The following HNF4A variants were observed in gnomAD, a reference collection of about 807,000 sequenced individuals.
HNF4A encodes hepatocyte nuclear factor 4-alpha.
A neutral mutation model predicts 52.4 loss-of-function variants in HNF4A; 15 were observed. The ratio of observed to expected loss-of-function variants is 0.29; its 90% CI spans 0.19 to 0.44. The LOEUF is 0.44. HNF4A is among the 20% of genes least tolerant of loss of function. The pLI, the probability that HNF4A is intolerant of heterozygous loss-of-function variation, is 1.00. For missense variants in HNF4A, 479 were observed against 647.2 expected (o/e 0.74, Z 2.82); for synonymous variants, 280 against 264.4 (o/e 1.06, Z -0.57).
chr20:44,422,178 C>A (rs2063755713), intron 7 of HNF4A, among the ~76,000 whole-genome samples: 1 of 152,154 alleles, frequency 6.6e-6, no homozygotes, highest in South Asian at 2.1e-4. Flanking sequence ...TACCTACCAC[C>A]TGCTATCCCA....
intron 1 of HNF4A, among the ~76,000 whole-genome samples, chr20:44,370,145 GC>G (rs1282651191): frequency 2.0e-5 from 3 of 151,930 alleles, no homozygotes; most frequent in Non-Finnish European, 4.4e-5. Flanking sequence ...TCCCGCCTCA[GC>G]CCCCCCAAGT....
At position 44,418,467 on chromosome 20, in the gene HNF4A, G is replaced by A. The variant is rs1469544671; in HGVS notation, c.691G>A (p.Gly231Arg). ...CCATGCTGGCGAGCACCTGCTGCTC[G>A]GAGCCACCAAGAGATCCATGGTGTT... Residue 231 changes from glycine (G) to arginine (R), a missense_variant, in exon 6 of 10, where the codon GGA becomes AGA. Gly to Arg is a moderately radical substitution (Grantham distance 125, BLOSUM62 -2). Transcript: ENST00000316099. The A allele has an allele frequency of 3.7e-6, 6 of 1,613,634 alleles. No individual in the cohort carries two copies. The highest frequency in any genetic ancestry group is 1.6e-4 in the Middle Eastern group (1 of 6,084).
At chr20:44,418,260 C>T (rs2146436985) in intron 5 of HNF4A, among the ~76,000 whole-genome samples, 165 bp from the exon 6 acceptor site, 1 of 152,300 alleles carries the variant, frequency 6.6e-6, no homozygotes, top group African/African-American at 2.4e-5. Flanking sequence ...TTTCCCCTTC[C>T]AGGTTTCTAG....
chr20:44,370,455 T>C (rs187493167), intron 1 of HNF4A, among the ~76,000 whole-genome samples: 34 of 152,340 alleles, frequency 2.2e-4, no homozygotes, highest in African/African-American at 7.7e-4. Flanking sequence ...CTTCTCATTG[T>C]CAGGGCCTTA....
rs761201175 is a variant in HNF4A, at chr20:44,418,409, T to G, written c.649-16T>G. The G allele has an allele frequency of 4.3e-6, 7 of 1,609,874 alleles. No homozygotes were observed. Among genetic ancestry groups the G allele is most frequent in the Non-Finnish European group, 5.1e-6 (6 of 1,176,230 alleles). ...CAAGGGTACAGATGGCAAACACTGT[T>G]CCTTCTCTCTTTCAGGTGGCCCTGC... is the stretch of plus-strand genomic sequence containing the variant. On this transcript the variant is annotated splice_polypyrimidine_tract_variant and intron_variant, in intron 5 of 9. Transcript: ENST00000316099.
Position 44,405,065 on chromosome 20 carries a change from C to CGTGTGTGTGGACTGTGTGGTGT in HNF4A, c.116-972_116-971insTGTGTGTGTGGACTGTGTGGTG, listed in dbSNP as rs2063479603. Among the ~76,000 whole-genome samples the CGTGTGTGTGGACTGTGTGGTGT allele has an allele frequency of 3.1e-4, 4 of 12,824 alleles. No individual in the cohort carries two copies. The South Asian group carries it at 7.0e-3, about 23-fold the overall frequency. The allele number at this position is 12,824 out of a possible 152,430, so 8.4% of individuals were successfully genotyped here. Reference sequence around the variant, plus strand: ...GTGCTTGTGTGTGGACTGTGTGGTGCGTGTGTGTGGACTGTGTGGTGCGTG... The same window carrying CGTGTGTGTGGACTGTGTGGTGT: ...GTGCTTGTGTGTGGACTGTGTGGTGCGTGTGTGTGGACTGTGTGGTGTGTGTGTGTGGACTGTGTGGTGCGTG... On this transcript the variant is annotated intron_variant, in intron 1 of 9. Transcript: ENST00000316099.
chr20:44,390,022 G>C (rs988792000), intron 1 of HNF4A: 1 of 152,648 alleles, frequency 6.6e-6, no homozygotes, highest in African/African-American at 2.4e-5. Context: ...GCCAGCACAA[G>C]AGGGATGCCA....
chr20:44,402,727 C>A, intron 1 of HNF4A: 1 of 816,834 alleles, frequency 1.2e-6, no homozygotes, highest in Non-Finnish European at 1.8e-6. Context: ...GGAGAGGGGG[C>A]AGGCAGCTGG....
Position 44,420,716 on chromosome 20 carries a change from G to C in HNF4A, c.892+840G>C, listed in dbSNP as rs553834582. On this transcript the variant is annotated intron_variant, in intron 7 of 9. Transcript: ENST00000316099. ...ACCTGCAGTCCCAGCTACTCAGGAG[G>C]CCAAGGTGGGAGGATCTCTTGAGCC... Among the ~76,000 whole-genome samples, 137 of 152,310 alleles carry C rather than the reference G, an allele frequency of 9.0e-4. 1 individual carries two copies. Among genetic ancestry groups the C allele is most frequent in the African/African-American group, 3.2e-3 (133 of 41,566 alleles).
In HNF4A at chr20:44,432,107, A is replaced by T. The variant is rs2146501246; in HGVS notation, c.*2442A>T. The T allele has an allele frequency of 6.6e-6, 1 of 152,044 alleles. No homozygotes were observed. The highest frequency in any genetic ancestry group is 1.9e-4 in the East Asian group (1 of 5,146). 9.4% of individuals were successfully genotyped at this position (152,044 alleles called of 1,614,324 possible). On this transcript the variant is annotated 3_prime_UTR_variant, in exon 10 of 10. Transcript: ENST00000316099. ...ACCTCCTCCCTCCAGCGTTGCTCAGACCTCTGTCTTGGGAGAAAGGTTGAG... is the reference window on the plus strand; with the variant it reads ...ACCTCCTCCCTCCAGCGTTGCTCAGTCCTCTGTCTTGGGAGAAAGGTTGAG...
intron 5 of HNF4A, among the ~76,000 whole-genome samples, chr20:44,417,294 G>A (rs1047685401): frequency 6.6e-6 from 1 of 152,206 alleles, no homozygotes; most frequent in Non-Finnish European, 1.5e-5. Flanking sequence ...CCTCAGGCAA[G>A]CACTAAAGCA....
At chr20:44,369,993 A>G (rs925545057) in intron 1 of HNF4A, among the ~76,000 whole-genome samples, 2 of 151,620 alleles carry the variant, frequency 1.3e-5, no homozygotes, top group African/African-American at 4.9e-5. Flanking sequence ...CCCTTTGGTC[A>G]CTGCAGTCAG....
In HNF4A at chr20:44,414,487, C is replaced by T. The variant is rs184217112; in HGVS notation, c.493-20C>T. 7.9e-4 allele frequency: 1,281 copies of T among 1,614,142 alleles called. 20 individuals carry two copies. The South Asian group carries it at 0.012, about 15-fold the overall frequency. ...AGGGCCCGGACATCTCCAGCATTTT[C>T]TTCCCTGTATCTCTCGAAGATCACC... On this transcript the variant is annotated intron_variant, in intron 4 of 9. Coordinates refer to ENST00000316099, the MANE Select transcript of HNF4A (RefSeq NM_000457.6).
chr20:44,397,021 G>A (rs945278522), upstream of HNF4A, among the ~76,000 whole-genome samples: 3 of 152,138 alleles, frequency 2.0e-5, no homozygotes, highest in African/African-American at 7.2e-5. Flanking sequence ...CCAAGGCTTC[G>A]AAATAAAAAC....
At chr20:44,411,549 G>A (rs955422624) in intron 3 of HNF4A, among the ~76,000 whole-genome samples, 4 of 152,214 alleles carry the variant, frequency 2.6e-5, no homozygotes, top group South Asian at 2.1e-4. Flanking sequence ...TGGGGTGGAC[G>A]GCCCGGTCAG....
intron 9 of HNF4A, among the ~76,000 whole-genome samples, chr20:44,428,926 C>T (rs1358437846): frequency 6.6e-6 from 1 of 152,144 alleles, no homozygotes; most frequent in African/African-American, 2.4e-5. Flanking sequence ...TTGGGCAAAG[C>T]TCTTCAAAGG....
In HNF4A at chr20:44,432,642, A is replaced by G. The variant is rs917090874; in HGVS notation, c.*2977A>G. On this transcript the variant is annotated 3_prime_UTR_variant, in exon 10 of 10. Coordinates refer to ENST00000316099, the MANE Select transcript of HNF4A (RefSeq NM_000457.6). ...CTGATTAAGATGAATTGTGAAATTT[A>G]CATCAAGCAATTATCAAAGCGGGCT... 6.6e-6 allele frequency: 1 copy of G among 152,176 alleles called. No individual in the cohort carries two copies. The highest frequency in any genetic ancestry group is 2.4e-5 in the African/African-American group (1 of 41,446). The allele number at this position is 152,176 out of a possible 1,614,324, so 9.4% of individuals were successfully genotyped here.
Position 44,429,738 on chromosome 20 carries a change from C to A in HNF4A, c.*73C>A. 1.3e-6 allele frequency: 2 copies of A among 1,486,424 alleles called. No homozygotes were observed. The highest frequency in any genetic ancestry group is 2.3e-5 in the South Asian group (2 of 87,960). 92.1% of individuals were successfully genotyped at this position (1,486,424 alleles called of 1,614,324 possible). A position where few individuals can be genotyped will look rare whatever the true frequency, so the allele number is the denominator to read the frequency against. On this transcript the variant is annotated 3_prime_UTR_variant, in exon 10 of 10. Coordinates refer to ENST00000316099, the MANE Select transcript of HNF4A (RefSeq NM_000457.6). ...AGAGAGCACCTGGTGATCACGTGGTCACGGCAAAGGAAGACGTGATGCCAG... is the reference window on the plus strand; with the variant it reads ...AGAGAGCACCTGGTGATCACGTGGTAACGGCAAAGGAAGACGTGATGCCAG...
intron 1 of HNF4A, among the ~76,000 whole-genome samples, chr20:44,379,471 A>G (rs1329848524): frequency 6.6e-6 from 1 of 151,818 alleles, no homozygotes; most frequent in Non-Finnish European, 1.5e-5. Context: ...AACACTTACT[A>G]TTGTCTGTTT....
Sources: allele counts gnomAD v4.1 joint callset (sites outside exome capture counted in the v4.1 genomes callset), GRCh38; gene constraint gnomAD v4.1.1; transcripts MANE v1.5; gene names NCBI Gene and HGNC (gene_info 2026-07-23, HGNC 2026-07-21).